The following HIVEP1 variants were observed in gnomAD, a reference collection of about 807,000 sequenced individuals.
HIVEP1 encodes the protein zinc finger protein 40.
In HIVEP1, 36 loss-of-function variants were observed where a neutral mutation model predicts 180.0. The ratio of observed to expected loss-of-function variants is 0.20; its 90% CI spans 0.15 to 0.26. HIVEP1 has a LOEUF of 0.26. Ranked by LOEUF, HIVEP1 falls within the 10% of genes least tolerant of loss-of-function variation. The probability of loss-of-function intolerance (pLI) is 1.00; values close to 1 mark genes in which losing one functional copy is unlikely to be tolerated. For missense variants in HIVEP1, 3,143 were observed against 3,268.7 expected, an observed-to-expected ratio of 0.96 and a Z score of 0.94; for synonymous variants, 1,239 against 1,239.0, an observed-to-expected ratio of 1.00 and a Z score of 0.00.
chr6:12,207,601 C>T, the HIVEP1 span, among the ~76,000 whole-genome samples: 1 of 152,130 alleles, frequency 6.6e-6, no homozygotes, highest in South Asian at 2.1e-4. Context: ...ATACCTTCTA[C>T]CTCACAATTA....
intron 7 of HIVEP1, among the ~76,000 whole-genome samples, chr6:12,156,301 CTT>C (rs1760043347): frequency 6.6e-6 from 1 of 152,122 alleles, no homozygotes; most frequent in Admixed American, 6.6e-5. Flanking sequence ...GTCATAAAAT[CTT>C]TGCCCGTGAC....
intron 2 of HIVEP1, among the ~76,000 whole-genome samples, chr6:12,035,729 C>T (rs934895583): frequency 1.3e-5 from 2 of 151,914 alleles, no homozygotes; most frequent in Non-Finnish European, 2.9e-5. Context: ...GAAATTCATC[C>T]CACAAATCAA....
In HIVEP1 at chr6:12,121,609, C is replaced by T. The variant is rs778745428; in HGVS notation, c.1814C>T (p.Ser605Leu). Reference protein sequence around the residue: ...DLQVTNVQPLSANMSQGGVSR... With the variant: ...DLQVTNVQPLLANMSQGGVSR... ...CAGGTGACAAACGTACAGCCACTTTCAGCCAACATGTCCCAGGGTGGAGTC... is the reference window on the plus strand; with the variant it reads ...CAGGTGACAAACGTACAGCCACTTTTAGCCAACATGTCCCAGGGTGGAGTC... The change falls in exon 4 of 9, where the codon TCA becomes TTA. Residue 605 changes from serine to leucine, a missense_variant. Around this residue, in one of 12 missense-constraint regions of HIVEP1, gnomAD observed 365 missense variants for 344.4 expected, o/e 1.06. Transcript: ENST00000379388. This position sits in a 1 kb window ranked among gnomAD's most constrained non-coding sequence, Gnocchi z 5.3. 3 of 1,614,170 alleles carry T rather than the reference C, an allele frequency of 1.9e-6. No homozygotes were observed. In the South Asian group the frequency reaches 3.3e-5, roughly 18 times the overall value.
In HIVEP1 at chr6:12,145,321, G is replaced by A. The variant is rs531139765; in HGVS notation, c.6487+9429G>A. Among the ~76,000 whole-genome samples, 19 of 152,084 alleles carry A rather than the reference G, an allele frequency of 1.2e-4. No homozygotes were observed. In the South Asian group the frequency reaches 4.0e-3, roughly 32 times the overall value. On this transcript the variant is annotated intron_variant, in intron 7 of 8. Transcript: ENST00000379388. The stretch of plus-strand genomic sequence containing the variant: ...CTCACAGATGGGAATTGAACAATGA[G>A]AACACTTGAACACAGGGAGGGGAAC...
the HIVEP1 span, among the ~76,000 whole-genome samples, chr6:12,205,078 G>A: frequency 6.6e-6 from 1 of 152,148 alleles, no homozygotes; most frequent in South Asian, 2.1e-4. Context: ...GATCAGAGAT[G>A]AGATCACACA....
chr6:12,144,110 A>G (rs1484731964), intron 7 of HIVEP1, among the ~76,000 whole-genome samples: 1 of 152,254 alleles, frequency 6.6e-6, no homozygotes, highest in Admixed American at 6.5e-5. Context: ...TGGAGGCATC[A>G]TGCTATCTGA....
intron 6 of HIVEP1, among the ~76,000 whole-genome samples, chr6:12,134,321 C>T (rs1216916195): frequency 1.3e-5 from 2 of 152,078 alleles, no homozygotes; most frequent in African/African-American, 4.8e-5. Flanking sequence ...GTTTGATGGA[C>T]CTTAGCCATC....
At chr6:12,067,167 A>T (rs1000804936) in intron 2 of HIVEP1, among the ~76,000 whole-genome samples, 5 of 152,148 alleles carry the variant, frequency 3.3e-5, no homozygotes, top group African/African-American at 1.2e-4. Flanking sequence ...AAGTTTAATT[A>T]AAAAACTAAC....
rs1261907556 is a variant in HIVEP1, at chr6:12,163,668, C to A, written c.7364C>A (p.Ala2455Asp). 6.2e-7 allele frequency: 1 copy of A among 1,614,158 alleles called. No homozygotes were observed. Among genetic ancestry groups the A allele is most frequent in the Non-Finnish European group, 8.5e-7 (1 of 1,180,036 alleles). The change falls in exon 9 of 9, where the codon GCT (alanine) becomes GAT (aspartate). Residue 2455 changes from alanine (A) to aspartate (D), a missense_variant. Coordinates refer to ENST00000379388, the MANE Select transcript of HIVEP1 (RefSeq NM_002114.4). ...GAAGTGTCTGGCACTACAAACCCTGCTGGAGTGGCTGAATTAAGCAGTGTT... is the reference window on the plus strand; with the variant it reads ...GAAGTGTCTGGCACTACAAACCCTGATGGAGTGGCTGAATTAAGCAGTGTT... ...VTEVSGTTNP[A>D]GVAELSSVVP...
chr6:12,125,010 G>A lies in HIVEP1; in HGVS notation c.5215G>A (p.Glu1739Lys), dbSNP rs962622752. The A allele has an allele frequency of 6.2e-7, 1 of 1,614,130 alleles. No homozygotes were observed. The highest frequency in any genetic ancestry group is 8.5e-7 in the Non-Finnish European group (1 of 1,180,020). ...ISVGRLSPQQ[E>K]SSASSKRMLS... ...TGTTGGTCGACTTTCCCCTCAACAA[G>A]AATCTTCAGCTTCGAGTAAAAGGAT... Residue 1739 changes from glutamate to lysine, a missense_variant, in exon 4 of 9, where the codon GAA (glutamate) becomes AAA (lysine). This residue lies in a region of HIVEP1 where 1,357 missense variants were observed against 1,260.5 expected (regional missense o/e 1.08). Transcript: ENST00000379388.
Position 12,123,722 on chromosome 6 carries a change from G to A in HIVEP1, c.3927G>A (p.Glu1309=). 1 of 1,614,152 alleles carries A rather than the reference G, an allele frequency of 6.2e-7. No homozygotes were observed. The highest frequency in any genetic ancestry group is 8.5e-7 in the Non-Finnish European group (1 of 1,180,002). The change falls in exon 4 of 9, where the codon GAG becomes GAA. Residue 1309 remains glutamate, a synonymous_variant. Coordinates refer to ENST00000379388, the MANE Select transcript of HIVEP1 (RefSeq NM_002114.4). The part of the protein sequence containing the change: ...DSTLSRSLSR[E]SSLSHTSSFS... The stretch of plus-strand genomic sequence containing the variant: ...CTCTCTCCAGGAGTCTAAGTAGGGA[G>A]AGCAGTTTATCTCACACTTCAAGTT...
chr6:12,072,265 G>A (rs61374931), intron 2 of HIVEP1, among the ~76,000 whole-genome samples: 2,145 of 152,182 alleles, frequency 0.014, 23 homozygotes, highest in Middle Eastern at 0.068. Flanking sequence ...GCAAGAAATT[G>A]TCTCAACTTT....
In HIVEP1 at chr6:12,063,535, G is replaced by C. The variant is rs545212224; in HGVS notation, c.41-25649G>C. 5.9e-5 allele frequency among the ~76,000 whole-genome samples: 9 copies of C among 152,282 alleles called. No individual in the cohort carries two copies. The highest frequency in any genetic ancestry group is 2.2e-4 in the African/African-American group (9 of 41,548). On this transcript the variant is annotated intron_variant, in intron 2 of 8. Transcript: ENST00000379388. The surrounding 1 kb of genome is among the most constrained non-coding windows in gnomAD (Gnocchi z 4.2). ...GTGGCTGCACGTGGAAGGTGGGTTG[G>C]AAGGCAGGGAAGGGCAGGAGCAGAT...
chr6:12,152,273 T>C (rs1299101871), intron 7 of HIVEP1, among the ~76,000 whole-genome samples: 1 of 152,216 alleles, frequency 6.6e-6, no homozygotes, highest in Non-Finnish European at 1.5e-5. Context: ...CAGAGTCATA[T>C]ATGACAAGTG....
chr6:12,128,740 GTATTATAT>G (rs1276615934), intron 4 of HIVEP1, among the ~76,000 whole-genome samples: 4 of 151,978 alleles, frequency 2.6e-5, no homozygotes, highest in African/African-American at 9.7e-5. Flanking sequence ...TCATAAGGTG[GTATTATAT>G]TATTATATTG....
chr6:12,120,801 C>G lies in HIVEP1; in HGVS notation c.1006C>G (p.Leu336Val). ...YNIAVTSSVG[L>V]TSPSSRSQVT... ...TATAGCAGTGACATCATCTGTAGGC[C>G]TAACTTCACCTTCCAGTAGATCTCA... Residue 336 changes from leucine (L) to valine (V), a missense_variant, in exon 4 of 9, where the codon CTA (leucine) becomes GTA (valine). Transcript: ENST00000379388. 1 of 1,614,162 alleles carries G rather than the reference C, an allele frequency of 6.2e-7. No homozygotes were observed. Among genetic ancestry groups the G allele is most frequent in the Non-Finnish European group, 8.5e-7 (1 of 1,180,026 alleles).
downstream of HIVEP1, among the ~76,000 whole-genome samples, chr6:12,167,921 A>G (rs1249170846): frequency 7.2e-6 from 1 of 138,250 alleles, no homozygotes; most frequent in Non-Finnish European, 1.5e-5. Flanking sequence ...ATGTACATGT[A>G]TATCTGCGTA....
chr6:12,158,586 G>T (rs1451093361), intron 7 of HIVEP1, among the ~76,000 whole-genome samples: 1 of 152,140 alleles, frequency 6.6e-6, no homozygotes, highest in African/African-American at 2.4e-5. Flanking sequence ...TGTTCCGATT[G>T]AGTTACAGTC....
At chr6:12,162,653 A>G (rs533223605) in intron 8 of HIVEP1, among the ~76,000 whole-genome samples, 3 of 152,298 alleles carry the variant, frequency 2.0e-5, no homozygotes, top group African/African-American at 2.4e-5. Context: ...GAATATTGCA[A>G]TAGGATTTAT....
Sources: gnomAD v4.1 joint callset for allele counts (sites outside exome capture counted in the v4.1 genomes callset) on GRCh38, gnomAD v4.1.1 for gene constraint, gnomAD v4.1.1 regional missense constraint, Gnocchi (gnomAD v3.1) non-coding constraint, MANE v1.5 for transcripts, NCBI Gene and HGNC (gene_info 2026-07-23, HGNC 2026-07-21) for gene names.